Variants in ASPH observed in about 807,000 individuals in gnomAD.
ASPH encodes aspartate beta-hydroxylase, also known as aspartyl/asparaginyl beta-hydroxylase.
ASPH carries 100 observed loss-of-function variants against 118.4 expected under a neutral mutation model. That is an observed-to-expected ratio of 0.84 (90% CI 0.72 to 1.00). ASPH has a LOEUF of 1.00. Among genes scored for constraint, ASPH ranks in the 50% least tolerant of loss-of-function variants. The probability of loss-of-function intolerance (pLI) is 0.00; values close to 1 mark genes in which losing one functional copy is unlikely to be tolerated. For synonymous variants in ASPH, 315 were observed against 325.6 expected, an observed-to-expected ratio of 0.97 and a Z score of 0.35; for missense variants, 920 against 919.5, an observed-to-expected ratio of 1.00 and a Z score of -0.01.
intron 14 of ASPH, among the ~76,000 whole-genome samples, chr8:61,587,380 T>G (rs1418065432): frequency 6.6e-6 from 1 of 152,212 alleles, no homozygotes; most frequent in Non-Finnish European, 1.5e-5. Flanking sequence ...TGTCTCCCAA[T>G]TGTTCATTTT....
intron 3 of ASPH, chr8:61,664,825 G>C (rs1427013938): frequency 3.0e-6 from 3 of 989,064 alleles, no homozygotes; most frequent in Non-Finnish European, 3.6e-6. Flanking sequence ...AAGCAGGAAG[G>C]GGAAGGAGGG....
At chr8:61,597,513 T>G (rs750414723) in intron 14 of ASPH, among the ~76,000 whole-genome samples, 2 of 152,170 alleles carry the variant, frequency 1.3e-5, no homozygotes, top group Non-Finnish European at 2.9e-5. Context: ...GCAAGAAATA[T>G]AGACATCCAA....
intron 3 of ASPH, among the ~76,000 whole-genome samples, chr8:61,667,739 T>A (rs1820421401): frequency 6.6e-6 from 1 of 152,210 alleles, no homozygotes; most frequent in Non-Finnish European, 1.5e-5. Flanking sequence ...TACATTTACA[T>A]CCAAGTTTTC....
At chr8:61,578,729 G>A (rs1415137168) in intron 15 of ASPH, 5 of 1,607,712 alleles carry the variant, frequency 3.1e-6, no homozygotes, top group Admixed American at 1.7e-5. Context: ...ACATGCAGAG[G>A]CTGGTGGAGG....
chr8:61,573,303 A>T lies in ASPH; in HGVS notation c.1149+3469T>A, dbSNP rs184952409. Reference sequence around the variant, plus strand: ...CCATAGTGCCCAAAGTAATTTATAGATTAAATGCTATCCCCATCAAGCTAC... The same window carrying T: ...CCATAGTGCCCAAAGTAATTTATAGTTTAAATGCTATCCCCATCAAGCTAC... On this transcript the variant is annotated intron_variant, in intron 16 of 24. Coordinates refer to ENST00000379454, the MANE Select transcript of ASPH (RefSeq NM_004318.4). Among the ~76,000 whole-genome samples the T allele has an allele frequency of 4.3e-3, 649 of 152,354 alleles. 3 individuals are homozygous for T. Among genetic ancestry groups the T allele is most frequent in the Non-Finnish European group, 7.0e-3 (476 of 68,036 alleles).
At chr8:61,588,561 G>T (rs963350531) in intron 14 of ASPH, among the ~76,000 whole-genome samples, 5 of 152,118 alleles carry the variant, frequency 3.3e-5, no homozygotes, top group Admixed American at 6.6e-5. Flanking sequence ...CTCCTACAAG[G>T]TATATTTTGA....
intron 5 of ASPH, among the ~76,000 whole-genome samples, chr8:61,648,175 TAAAACACTTAG>T (rs1416313391): frequency 1.3e-5 from 2 of 152,244 alleles, no homozygotes; most frequent in Non-Finnish European, 2.9e-5. Flanking sequence ...TTATGAAGAT[TAAAACACTTAG>T]AAAAATGCCT....
rs549547719 is a variant in ASPH at position 61,714,552 on chromosome 8, C to G, written c.-181G>C. ...ACCTGGGAAGACTTCACCCGCCTGC[C>G]GGCTGCGCGCGCCCGGCCTCGCGTG... On this transcript the variant is annotated 5_prime_UTR_variant, in exon 1 of 25. Transcript: ENST00000379454. The G allele has an allele frequency of 8.5e-6, 8 of 938,184 alleles. No individual in the cohort carries two copies. Among genetic ancestry groups the G allele is most frequent in the Non-Finnish European group, 1.1e-5 (8 of 710,838 alleles). 58.1% of individuals were successfully genotyped at this position (938,184 alleles called of 1,614,324 possible). A position where few individuals can be genotyped will look rare whatever the true frequency, so the allele number is the denominator to read the frequency against.
chr8:61,518,998 T>C (rs1811962269), intron 22 of ASPH, among the ~76,000 whole-genome samples: 4 of 152,188 alleles, frequency 2.6e-5, no homozygotes, highest in African/African-American at 9.6e-5. Flanking sequence ...GACGACAGTA[T>C]CACATGGTAT....
chr8:61,644,765 A>G, intron 6 of ASPH, 133 bp from the exon 7 acceptor site: 1 of 564,222 alleles, frequency 1.8e-6, no homozygotes, highest in Non-Finnish European at 2.8e-6. Context: ...TATCAATTAA[A>G]AGTCTGCTTA....
At chr8:61,584,091 A>C in intron 14 of ASPH, 62 bp from the exon 15 acceptor site, 1 of 1,082,318 alleles carries the variant, frequency 9.2e-7, no homozygotes, top group Non-Finnish European at 1.3e-6. Flanking sequence ...TATTAAGCAT[A>C]ACAATTTACA....
intron 1 of ASPH, among the ~76,000 whole-genome samples, chr8:61,684,994 C>T (rs1156802375): frequency 1.3e-5 from 2 of 151,742 alleles, no homozygotes; most frequent in Admixed American, 6.6e-5. Flanking sequence ...TAAATAATAT[C>T]CCAAAATGCC....
At position 61,556,956 on chromosome 8, in the gene ASPH, C is replaced by T. The variant is rs558337075; in HGVS notation, c.1438-934G>A. ...GCCCTCGGGGGGCCCACACAACACA[C>T]ACTGCAGATGCTGTAGCATTTTCAG... On this transcript the variant is annotated intron_variant, in intron 18 of 24. Transcript: ENST00000379454. Among the ~76,000 whole-genome samples, 15 of 152,348 alleles carry T rather than the reference C, an allele frequency of 9.8e-5. 1 individual carries two copies. In the South Asian group the frequency reaches 1.4e-3, roughly 15 times the overall value.
intron 18 of ASPH, among the ~76,000 whole-genome samples, chr8:61,560,171 C>T (rs1380977922): frequency 6.6e-6 from 1 of 152,114 alleles, no homozygotes; most frequent in Non-Finnish European, 1.5e-5. Context: ...TGTGTGTTGG[C>T]TGAGTGAATG....
chr8:61,580,357 A>G (rs1837104664), intron 15 of ASPH, among the ~76,000 whole-genome samples: 1 of 152,208 alleles, frequency 6.6e-6, no homozygotes, highest in Non-Finnish European at 1.5e-5. Context: ...CCCGTACAGC[A>G]AACTTTTGCT....
intron 13 of ASPH, among the ~76,000 whole-genome samples, chr8:61,623,238 A>T (rs779054699): frequency 3.3e-5 from 5 of 152,032 alleles, no homozygotes; most frequent in Non-Finnish European, 7.4e-5. Context: ...TCTTTTGATA[A>T]AAGTCATTTT....
At chr8:61,543,897 T>C (rs1452534321) in intron 21 of ASPH, among the ~76,000 whole-genome samples, 1 of 152,194 alleles carries the variant, frequency 6.6e-6, no homozygotes, top group African/African-American at 2.4e-5. Flanking sequence ...ACTTGTAATG[T>C]TAAAAAAAAT....
intron 14 of ASPH, among the ~76,000 whole-genome samples, chr8:61,590,058 G>A (rs1180560783): frequency 6.6e-6 from 1 of 151,846 alleles, no homozygotes; most frequent in African/African-American, 2.4e-5. Flanking sequence ...TGGTTTTTTT[G>A]TTTTGTTTTT....
intron 18 of ASPH, among the ~76,000 whole-genome samples, chr8:61,556,942 G>A (rs1312908846): frequency 6.6e-6 from 1 of 152,130 alleles, no homozygotes; most frequent in Non-Finnish European, 1.5e-5. Flanking sequence ...CCCTCGGGGG[G>A]CCCACACAAC....
Sources: gnomAD v4.1 joint callset for allele counts (sites outside exome capture counted in the v4.1 genomes callset) on GRCh38, gnomAD v4.1.1 for gene constraint, MANE v1.5 for transcripts, NCBI Gene and HGNC (gene_info 2026-07-23, HGNC 2026-07-21) for gene names.